Variants in ITPR1 observed in about 807,000 individuals in gnomAD.
ITPR1 encodes the protein inositol 1,4,5-trisphosphate receptor type 1, also known as inositol 1,4,5-trisphosphate-gated calcium channel ITPR1.
A neutral mutation model predicts 318.4 loss-of-function variants in ITPR1; 96 were observed. That is an observed-to-expected ratio of 0.30 (90% CI 0.26 to 0.36). ITPR1 has a LOEUF of 0.36. ITPR1 is among the 10% of genes least tolerant of loss of function. The pLI is 1.00. For synonymous variants in ITPR1, 1,312 were observed against 1,289.9 expected (o/e 1.02, Z -0.37); for missense variants, 2,440 against 3,460.2 (o/e 0.71, Z 7.40).
intron 11 of ITPR1, 61 bp downstream of exon 11, chr3:4,652,279 A>G: frequency 1.7e-6 from 2 of 1,163,126 alleles, no homozygotes; most frequent in Non-Finnish European, 2.5e-6. Flanking sequence ...GCCTTTCCTC[A>G]TTCGCCTGTA....
intron 2 of ITPR1, among the ~76,000 whole-genome samples, chr3:4,508,430 G>A (rs1374122095): frequency 1.3e-5 from 2 of 148,672 alleles, no homozygotes; most frequent in South Asian, 2.1e-4. Flanking sequence ...TTTAAATTCG[G>A]AATTCTGTGT....
At chr3:4,592,474 A>T (rs2090468246) in intron 4 of ITPR1, among the ~76,000 whole-genome samples, 1 of 152,056 alleles carries the variant, frequency 6.6e-6, no homozygotes, top group African/African-American at 2.4e-5. Flanking sequence ...CCTTTGGATT[A>T]ATCATGGTCC....
At chr3:4,712,839 A>G (rs564175602) in intron 39 of ITPR1, among the ~76,000 whole-genome samples, 2 of 152,366 alleles carry the variant, frequency 1.3e-5, no homozygotes, top group Non-Finnish European at 2.9e-5. Flanking sequence ...CTTAGTTTAT[A>G]CCACGGGGCA....
chr3:4,649,950 A>C lies in ITPR1; in HGVS notation c.856-2173A>C, dbSNP rs144393150. Among the ~76,000 whole-genome samples the C allele has an allele frequency of 7.2e-5, 11 of 152,300 alleles. No individual in the cohort carries two copies. In the East Asian group the frequency reaches 1.7e-3, roughly 24 times the overall value. On this transcript the variant is annotated intron_variant, in intron 10 of 61. Transcript: ENST00000649015. ...AACGTAAACGATCTCCTAATACTAT[A>C]ACCTTATGGGGTAGGTTTCAACCTA...
intron 2 of ITPR1, among the ~76,000 whole-genome samples, chr3:4,503,954 C>A (rs1317484452): frequency 1.3e-5 from 2 of 151,980 alleles, no homozygotes; most frequent in African/African-American, 4.8e-5. Context: ...AAAACACTGG[C>A]CTTGGTATCT....
chr3:4,725,221 G>A (rs1559777674), intron 40 of ITPR1, among the ~76,000 whole-genome samples: 1 of 151,640 alleles, frequency 6.6e-6, no homozygotes, highest in Non-Finnish European at 1.5e-5. Context: ...ACAAGGATGT[G>A]CTGTGGTTTT....
intron 54 of ITPR1, among the ~76,000 whole-genome samples, chr3:4,801,425 C>T (rs2048223299): frequency 6.6e-6 from 1 of 152,086 alleles, no homozygotes; most frequent in African/African-American, 2.4e-5. Context: ...TCATGTCAAG[C>T]TGAAAAGCTT....
chr3:4,657,469 A>AT (rs61012467), intron 12 of ITPR1, among the ~76,000 whole-genome samples: 4,296 of 127,200 alleles, frequency 0.034, 177 homozygotes, highest in African/African-American at 0.1. Context: ...TTTTTGAAAG[A>AT]TTTTTTTTTT....
intron 2 of ITPR1, among the ~76,000 whole-genome samples, chr3:4,513,205 C>G (rs1484825613): frequency 6.6e-6 from 1 of 152,190 alleles, no homozygotes; most frequent in South Asian, 2.1e-4. Flanking sequence ...GGCGGACTTT[C>G]CACCTCCACC....
chr3:4,696,369 C>T (rs1163243676), intron 33 of ITPR1, among the ~76,000 whole-genome samples: 1 of 152,152 alleles, frequency 6.6e-6, no homozygotes, highest in African/African-American at 2.4e-5. Context: ...CACATGTGGT[C>T]TTTTATGACT....
Position 4,495,468 on chromosome 3 carries a change from T to A in ITPR1, c.-17+962T>A, listed in dbSNP as rs560513007. ...AAGATCCTCAGGAGTACTGGCGGAG[T>A]GAGAAGCATTTGGATGTGAGAACTC... On this transcript the variant is annotated intron_variant, in intron 2 of 61. Coordinates refer to ENST00000649015, the MANE Select transcript of ITPR1 (RefSeq NM_001378452.1). Among the ~76,000 whole-genome samples the A allele has an allele frequency of 1.2e-3, 179 of 152,144 alleles. 1 individual carries two copies. The highest frequency in any genetic ancestry group is 4.1e-3 in the African/African-American group (172 of 41,470).
chr3:4,842,758 T>G (rs1262343442), intron 61 of ITPR1, among the ~76,000 whole-genome samples: 5 of 152,236 alleles, frequency 3.3e-5, no homozygotes, highest in Non-Finnish European at 7.3e-5. Context: ...TAGATTTTTT[T>G]TACTCAAGAG....
chr3:4,546,624 T>G (rs1248436062), intron 4 of ITPR1, among the ~76,000 whole-genome samples: 1 of 152,198 alleles, frequency 6.6e-6, no homozygotes, highest in Non-Finnish European at 1.5e-5. Context: ...GTCCTTTGTG[T>G]TGTTTCCTCT....
intron 4 of ITPR1, among the ~76,000 whole-genome samples, chr3:4,554,850 T>C (rs1575515493): frequency 6.6e-6 from 1 of 152,176 alleles, no homozygotes; most frequent in Non-Finnish European, 1.5e-5. Context: ...TGTAAATACA[T>C]TTCTGATGAC....
intron 4 of ITPR1, among the ~76,000 whole-genome samples, chr3:4,565,029 C>A (rs780132933): frequency 4.6e-5 from 7 of 152,146 alleles, no homozygotes; most frequent in Admixed American, 3.9e-4. Context: ...CTGTTTAACC[C>A]ATTTTTTGCT....
chr3:4,729,543 C>G (rs1235393151), intron 42 of ITPR1, among the ~76,000 whole-genome samples: 2 of 152,180 alleles, frequency 1.3e-5, no homozygotes, highest in Non-Finnish European at 2.9e-5. Context: ...AAGGTCAGTT[C>G]TCTCTCTCCT....
At chr3:4,757,906 A>G (rs1030887339) in intron 44 of ITPR1, among the ~76,000 whole-genome samples, 1 of 152,130 alleles carries the variant, frequency 6.6e-6, no homozygotes, top group African/African-American at 2.4e-5. Flanking sequence ...TCTGTCACCC[A>G]CAGAGTATCT....
At chr3:4,709,119 T>G (rs1013542402) in intron 37 of ITPR1, among the ~76,000 whole-genome samples, 2 of 152,168 alleles carry the variant, frequency 1.3e-5, no homozygotes. Context: ...GAAGAGAATA[T>G]TGACTGGGTG....
chr3:4,655,108 T>C (rs2093676976), intron 12 of ITPR1, among the ~76,000 whole-genome samples: 2 of 152,214 alleles, frequency 1.3e-5, no homozygotes, highest in Non-Finnish European at 2.9e-5. Context: ...ATCATGTTCA[T>C]GTTGTTATTG....
Sources: gnomAD v4.1 joint callset for allele counts (sites outside exome capture counted in the v4.1 genomes callset) on GRCh38, gnomAD v4.1.1 for gene constraint, MANE v1.5 for transcripts, NCBI Gene and HGNC (gene_info 2026-07-23, HGNC 2026-07-21) for gene names.